Variants in R3HDM1 observed in about 807,000 individuals in gnomAD.
R3HDM1 encodes the protein R3H domain containing 1.
R3HDM1 carries 46 observed loss-of-function variants against 141.1 expected under a neutral mutation model. The ratio of observed to expected loss-of-function variants is 0.33; its 90% confidence interval spans 0.26 to 0.42. The LOEUF is 0.42. R3HDM1 is among the 10% of genes least tolerant of loss of function. The probability of loss-of-function intolerance (pLI) is 1.00; values close to 1 mark genes in which losing one functional copy is unlikely to be tolerated. For synonymous variants in R3HDM1, 435 were observed against 472.9 expected (o/e 0.92, Z 1.04); for missense variants, 1,184 against 1,368.3 (o/e 0.87, Z 2.12).
intron 21 of R3HDM1, among the ~76,000 whole-genome samples, chr2:135,683,296 G>A (rs184327107): frequency 1.1e-4 from 16 of 152,260 alleles, no homozygotes; most frequent in Admixed American, 9.2e-4. Flanking sequence ...GCTCACGCCT[G>A]TAATCCCAGC....
At chr2:135,550,116 T>C (rs1699557916) in intron 1 of R3HDM1, 1 of 984,058 alleles carries the variant, frequency 1.0e-6, no homozygotes, top group Non-Finnish European at 1.2e-6. Flanking sequence ...ATATGATAAA[T>C]TACAAATGAA....
intron 1 of R3HDM1, among the ~76,000 whole-genome samples, chr2:135,594,092 G>A (rs1190242718): frequency 6.6e-6 from 1 of 152,186 alleles, no homozygotes; most frequent in African/African-American, 2.4e-5. Flanking sequence ...ACCCGCTTCT[G>A]TGGTGGGCTT....
chr2:135,537,277 CTTTTTTTTT>C (rs1036767352), intron 1 of R3HDM1, among the ~76,000 whole-genome samples: 1,348 of 84,462 alleles, frequency 0.016, 33 homozygotes, highest in African/African-American at 0.068. Flanking sequence ...ATTAGTCTGT[CTTTTTTTTT>C]TTTTTTTTTT....
intron 1 of R3HDM1, chr2:135,561,483 AAGGC>A (rs113148083): frequency 2.5e-6 from 1 of 396,468 alleles, no homozygotes; most frequent in African/African-American, 2.2e-5. Context: ...TTGGTAGGCC[AAGGC>A]AGGCGGATCA....
intron 21 of R3HDM1, among the ~76,000 whole-genome samples, chr2:135,689,479 G>C (rs777963129): frequency 2.0e-5 from 3 of 152,118 alleles, no homozygotes; most frequent in Non-Finnish European, 2.9e-5. Flanking sequence ...TTTATTACAA[G>C]ATTATAAGGA....
chr2:135,549,870 T>C (rs1699518060), intron 1 of R3HDM1: 1 of 634,114 alleles, frequency 1.6e-6, no homozygotes, highest in African/African-American at 2.0e-5. Context: ...CCTTTAAAAA[T>C]GGTCAATTGT....
chr2:135,632,494 T>C lies in R3HDM1; in HGVS notation c.698+493T>C, dbSNP rs373129503. On this transcript the variant is annotated intron_variant, in intron 9 of 26. Transcript: ENST00000683871. The stretch of plus-strand genomic sequence containing the variant: ...GGACTGTTGGTTAATGCAATATCAT[T>C]AGTGCTGTCTTCTTCCTGGGCTATG... Among the ~76,000 whole-genome samples, 7 of 152,294 alleles carry C rather than the reference T, an allele frequency of 4.6e-5. No homozygotes were observed. The East Asian group carries it at 9.6e-4, about 21-fold the overall frequency.
rs754915653 is a variant in R3HDM1 at position 135,553,026 on chromosome 2, G to A, written c.-250+21393G>A. ...CCTTAATAGCCGGGACCACAGACAT[G>A]TGCCACCGCATCCAGTTAATTTTTG... is the stretch of plus-strand genomic sequence containing the variant. On this transcript the variant is annotated intron_variant, in intron 1 of 26. Transcript: ENST00000683871. Among the ~76,000 whole-genome samples, 28 of 152,046 alleles carry A rather than the reference G, an allele frequency of 1.8e-4. No individual in the cohort carries two copies. The East Asian group carries it at 2.5e-3, about 14-fold the overall frequency.
chr2:135,678,947 C>T (rs566667931), intron 20 of R3HDM1, among the ~76,000 whole-genome samples: 10 of 151,482 alleles, frequency 6.6e-5, no homozygotes, highest in African/African-American at 1.2e-4. Context: ...TTAGCAGAGA[C>T]GGGGTTTCAC....
At chr2:135,711,966 A>T (rs1158221185) in intron 23 of R3HDM1, among the ~76,000 whole-genome samples, 5 of 46,672 alleles carry the variant, frequency 1.1e-4, no homozygotes, top group South Asian at 9.3e-4. Context: ...CTAAAATTAA[A>T]AAAAAAAAAA....
chr2:135,540,151 T>C (rs774845863), intron 1 of R3HDM1, among the ~76,000 whole-genome samples: 1 of 152,214 alleles, frequency 6.6e-6, no homozygotes, highest in Non-Finnish European at 1.5e-5. Flanking sequence ...AGAAACCACA[T>C]TCTTTGCTCA....
rs1192168679 is a variant in R3HDM1 at position 135,569,828 on chromosome 2, G to A, written c.-249-32672G>A. On this transcript the variant is annotated intron_variant, in intron 1 of 26. Transcript: ENST00000683871. ...TGCAAGCTCCGCCTCCTGGGTTCAC[G>A]CCATTCTCCTGCCTCAGCCTCCCGA... Among the ~76,000 whole-genome samples the A allele has an allele frequency of 3.3e-5, 5 of 150,188 alleles. No individual in the cohort carries two copies. The East Asian group carries it at 5.9e-4, about 18-fold the overall frequency.
At chr2:135,645,933 T>C (rs2064346475) in intron 16 of R3HDM1, among the ~76,000 whole-genome samples, 1 of 152,190 alleles carries the variant, frequency 6.6e-6, no homozygotes, top group Non-Finnish European at 1.5e-5. Context: ...TGCAAGGTAC[T>C]CTTCATCCAT....
intron 24 of R3HDM1, among the ~76,000 whole-genome samples, chr2:135,719,880 C>T (rs935178315): frequency 6.6e-6 from 1 of 151,900 alleles, no homozygotes; most frequent in Non-Finnish European, 1.5e-5. Flanking sequence ...GAGTCTCGCC[C>T]TGTTGCCCAG....
rs899287536 is a variant in R3HDM1 at position 135,531,513 on chromosome 2, C to G, written c.-370C>G. On this transcript the variant is annotated 5_prime_UTR_variant, in exon 1 of 27. Coordinates refer to ENST00000683871, the MANE Select transcript of R3HDM1 (RefSeq NM_001378107.1). Reference sequence around the variant, plus strand: ...TGCCAGCCGCGGCTGCCGCTGGAGCCGGTGTCCGGGCTGGTGATGGGGTTA... The same window carrying G: ...TGCCAGCCGCGGCTGCCGCTGGAGCGGGTGTCCGGGCTGGTGATGGGGTTA... The G allele has an allele frequency of 9.1e-6, 9 of 985,614 alleles. No homozygotes were observed. The highest frequency in any genetic ancestry group is 2.3e-4 in the East Asian group (2 of 8,788). The allele number at this position is 985,614 out of a possible 1,614,324, so 61.1% of individuals were successfully genotyped here.
chr2:135,645,993 A>G (rs2064354991), intron 16 of R3HDM1, among the ~76,000 whole-genome samples: 1 of 152,166 alleles, frequency 6.6e-6, no homozygotes, highest in South Asian at 2.1e-4. Flanking sequence ...AATTCCCAAA[A>G]GTACTCTCAG....
chr2:135,626,181 T>TTGCGTGCGTGCGTGCGTGCG (rs1161583452), intron 7 of R3HDM1, among the ~76,000 whole-genome samples: 1 of 135,824 alleles, frequency 7.4e-6, no homozygotes, highest in Non-Finnish European at 1.6e-5. Flanking sequence ...AACTGCTTGC[T>TTGCGTGCGTGCGTGCGTGCG]TGCGTGCGTG....
At chr2:135,655,848 A>G (rs1014839147) in intron 18 of R3HDM1, among the ~76,000 whole-genome samples, 3 of 152,050 alleles carry the variant, frequency 2.0e-5, no homozygotes, top group Admixed American at 6.6e-5. Context: ...GCAATTCCAT[A>G]TGATTTGAGA....
At chr2:135,700,234 A>C (rs2074027082) in intron 21 of R3HDM1, among the ~76,000 whole-genome samples, 1 of 151,906 alleles carries the variant, frequency 6.6e-6, no homozygotes, top group Admixed American at 6.6e-5. Context: ...TTCTCCATTT[A>C]TTTTTCTGCT....
Sources: allele counts gnomAD v4.1 joint callset (sites outside exome capture counted in the v4.1 genomes callset), GRCh38; gene constraint gnomAD v4.1.1; transcripts MANE v1.5; gene names NCBI Gene and HGNC (gene_info 2026-07-23, HGNC 2026-07-21).